NIPBL: variants seen among roughly 807,000 people sequenced by gnomAD.
The protein encoded by NIPBL is nipped-B-like protein.
Under a neutral mutation model 321.8 loss-of-function variants are expected in NIPBL, and 19 were observed. The observed-to-expected ratio is 0.06, with a 90% confidence interval of 0.04 to 0.09. NIPBL has a LOEUF of 0.09. NIPBL is among the 10% of genes least tolerant of loss of function. The pLI is 1.00. For missense variants in NIPBL, 2,210 were observed against 3,327.0 expected (o/e 0.66, Z 8.26); for synonymous variants, 1,106 against 1,114.1 (o/e 0.99, Z 0.14).
At chr5:37,047,424 T>C (rs1219424618) in intron 38 of NIPBL, among the ~76,000 whole-genome samples, 1 of 152,230 alleles carries the variant, frequency 6.6e-6, no homozygotes, top group Non-Finnish European at 1.5e-5. Context: ...TGTAAATAAA[T>C]TGAAACCTTA....
chr5:37,042,919 A>G (rs1752585938), intron 34 of NIPBL, among the ~76,000 whole-genome samples: 1 of 151,792 alleles, frequency 6.6e-6, no homozygotes, highest in Non-Finnish European at 1.5e-5. Flanking sequence ...ACACACACAC[A>G]CACATATAAC....
At chr5:36,916,456 A>AT (rs375821254) in intron 1 of NIPBL, among the ~76,000 whole-genome samples, 13 of 152,094 alleles carry the variant, frequency 8.5e-5, no homozygotes, top group African/African-American at 3.1e-4. Context: ...AGTGCCCTCA[A>AT]TTTTTACAGC....
intron 32 of NIPBL, among the ~76,000 whole-genome samples, chr5:37,030,575 A>T (rs1299680317): frequency 6.6e-6 from 1 of 152,010 alleles, no homozygotes; most frequent in African/African-American, 2.4e-5. Context: ...AATTTCAGAT[A>T]TTTCTAATTT....
intron 2 of NIPBL, chr5:36,954,877 GCTA>G (rs1003663820): frequency 3.9e-5 from 6 of 152,928 alleles, no homozygotes; most frequent in African/African-American, 1.4e-4. Context: ...CTGAATTTAA[GCTA>G]CTATAAAACA....
chr5:36,964,466 C>A (rs1042576372), intron 6 of NIPBL, among the ~76,000 whole-genome samples: 1 of 151,988 alleles, frequency 6.6e-6, no homozygotes, highest in Admixed American at 6.6e-5. Flanking sequence ...TTACTTTTGA[C>A]AAAGGCACCA....
At chr5:36,909,323 T>C (rs1224695103) in intron 1 of NIPBL, among the ~76,000 whole-genome samples, 5 of 152,208 alleles carry the variant, frequency 3.3e-5, no homozygotes, top group East Asian at 1.9e-4. Flanking sequence ...AAGCTTCACA[T>C]TGGACATGAA....
chr5:37,064,378 G>T, intron 46 of NIPBL, 149 bp from the exon 47 acceptor site: 1 of 1,516,162 alleles, frequency 6.6e-7, no homozygotes, highest in Non-Finnish European at 8.8e-7. Context: ...TGGCGCTGGC[G>T]GTCACGGTGC....
intron 9 of NIPBL, among the ~76,000 whole-genome samples, chr5:36,980,123 CTT>C (rs1228596984): frequency 1.3e-5 from 2 of 151,596 alleles, no homozygotes. Context: ...TATTAGCAAA[CTT>C]ATTTTATACT....
chr5:36,914,836 G>A (rs898482999), intron 1 of NIPBL, among the ~76,000 whole-genome samples: 1 of 152,078 alleles, frequency 6.6e-6, no homozygotes, highest in South Asian at 2.1e-4. Context: ...TTAGTGATTT[G>A]CCCAGAGTTA....
intron 1 of NIPBL, among the ~76,000 whole-genome samples, chr5:36,943,547 T>TA (rs970153729): frequency 9.1e-4 from 132 of 145,740 alleles, no homozygotes; most frequent in South Asian, 3.3e-3. Context: ...TATGTAACTA[T>TA]AAAAAAAAAA....
At chr5:36,945,835 AG>A (rs1459854278) in intron 1 of NIPBL, among the ~76,000 whole-genome samples, 1 of 152,120 alleles carries the variant, frequency 6.6e-6, no homozygotes, top group African/African-American at 2.4e-5. Context: ...CTTGAATAGC[AG>A]GCAGGGAAAA....
chr5:37,027,060 C>T (rs1348102218), intron 31 of NIPBL, among the ~76,000 whole-genome samples: 2 of 152,048 alleles, frequency 1.3e-5, no homozygotes, highest in Non-Finnish European at 2.9e-5. Flanking sequence ...TACAGATTTT[C>T]CTCACAGAGT....
chr5:36,905,920 A>G (rs1171584067), intron 1 of NIPBL, among the ~76,000 whole-genome samples: 1 of 151,740 alleles, frequency 6.6e-6, no homozygotes, highest in African/African-American at 2.4e-5. Flanking sequence ...TTTTTTTTGT[A>G]TTTTTAGTAG....
chr5:36,983,469 C>T (rs1744377476), intron 9 of NIPBL, among the ~76,000 whole-genome samples: 1 of 151,890 alleles, frequency 6.6e-6, no homozygotes, highest in South Asian at 2.1e-4. Context: ...GGTTCTCTAA[C>T]AATAAGGAGC....
intron 6 of NIPBL, among the ~76,000 whole-genome samples, chr5:36,964,980 T>C (rs1167376884): frequency 6.6e-6 from 1 of 152,102 alleles, no homozygotes; most frequent in Non-Finnish European, 1.5e-5. Context: ...CAGTGAAATA[T>C]TATCTTGCCT....
intron 32 of NIPBL, among the ~76,000 whole-genome samples, chr5:37,031,794 C>T (rs1023497687): frequency 6.6e-6 from 1 of 152,142 alleles, no homozygotes; most frequent in Non-Finnish European, 1.5e-5. Context: ...TTAATACATA[C>T]AGCAACATAG....
chr5:36,926,654 G>A (rs923957), intron 1 of NIPBL, among the ~76,000 whole-genome samples: 25,895 of 152,120 alleles, frequency 0.17, 2,554 homozygotes, highest in African/African-American at 0.26. Context: ...GGTCAGCCCA[G>A]ATTCAAAGGA....
At chr5:37,041,560 C>T (rs1472726063) in intron 34 of NIPBL, among the ~76,000 whole-genome samples, 10 of 150,816 alleles carry the variant, frequency 6.6e-5, no homozygotes, top group African/African-American at 2.4e-4. Flanking sequence ...CCACTGTGCC[C>T]GGCCTATTTC....
intron 8 of NIPBL, 140 bp downstream of exon 8, chr5:36,972,181 A>G (rs1411785606): frequency 3.1e-6 from 2 of 636,592 alleles, no homozygotes; most frequent in Non-Finnish European, 5.6e-6. Context: ...CTGTACAAGC[A>G]GGTCTGGATC....
Sources: allele counts gnomAD v4.1 joint callset (sites outside exome capture counted in the v4.1 genomes callset), GRCh38; gene constraint gnomAD v4.1.1; transcripts MANE v1.5; gene names NCBI Gene and HGNC (gene_info 2026-07-23, HGNC 2026-07-21).